MGAT4C: variants seen among roughly 807,000 people sequenced by gnomAD.
MGAT4C encodes the protein alpha-1,3-mannosyl-glycoprotein 4-beta-N-acetylglucosaminyltransferase C.
A neutral mutation model predicts 40.1 loss-of-function variants in MGAT4C; 19 were observed. The observed-to-expected ratio is 0.47, with a 90% CI of 0.33 to 0.70. The LOEUF (loss-of-function observed/expected upper bound fraction) is 0.70, where lower values mean the gene tolerates loss of function less well. MGAT4C is among the 30% of genes least tolerant of loss of function. MGAT4C has a pLI of 0.02. For missense variants in MGAT4C, 491 were observed against 563.2 expected (o/e 0.87, Z 1.30); for synonymous variants, 181 against 187.1 (o/e 0.97, Z 0.27).
chr12:86,822,019 C>T lies in MGAT4C; in HGVS notation c.-262+16647G>A, dbSNP rs150771024. Among the ~76,000 whole-genome samples, 592 of 150,816 alleles carry T rather than the reference C, an allele frequency of 3.9e-3. 2 individuals are homozygous for T. Among genetic ancestry groups the T allele is most frequent in the African/African-American group, 0.014 (578 of 41,290 alleles). ...CTGAAATATGTTTAAAGACACAATACGACTAGGTATAAATTATGACAACAA... is the reference window on the plus strand; with the variant it reads ...CTGAAATATGTTTAAAGACACAATATGACTAGGTATAAATTATGACAACAA... On this transcript the variant is annotated intron_variant, in intron 1 of 7. Coordinates refer to the MGAT4C transcript ENST00000548651.
At chr12:86,512,756 G>A (rs1270355574) in intron 2 of MGAT4C, among the ~76,000 whole-genome samples, 1 of 152,112 alleles carries the variant, frequency 6.6e-6, no homozygotes, top group Non-Finnish European at 1.5e-5. Context: ...GGGTAGAATG[G>A]TGGTTGCCAG....
chr12:86,295,271 A>G (rs1953634584), intron 4 of MGAT4C, among the ~76,000 whole-genome samples: 1 of 152,144 alleles, frequency 6.6e-6, no homozygotes, highest in Admixed American at 6.5e-5. Context: ...CTATAAAATT[A>G]TTTGTGATAA....
At chr12:86,117,659 G>A (rs928321112) in intron 1 of MGAT4C, among the ~76,000 whole-genome samples, 9 of 152,124 alleles carry the variant, frequency 5.9e-5, no homozygotes, top group African/African-American at 2.2e-4. Flanking sequence ...AACTGCACTG[G>A]TAATGAGGCT....
intron 1 of MGAT4C, among the ~76,000 whole-genome samples, chr12:86,807,972 T>C (rs185930301): frequency 1.4e-5 from 2 of 147,976 alleles, no homozygotes; most frequent in East Asian, 3.9e-4. Flanking sequence ...TTTTAATGGT[T>C]TTTTTTTCTT....
chr12:86,155,499 G>A (rs997877135), intron 1 of MGAT4C, among the ~76,000 whole-genome samples: 2 of 152,094 alleles, frequency 1.3e-5, no homozygotes, highest in African/African-American at 4.8e-5. Context: ...GTAGTCTGTG[G>A]GTTTAAAGGA....
Position 86,694,796 on chromosome 12 carries a change from C to T in MGAT4C, c.-229+32413G>A, listed in dbSNP as rs554278897. ...AAGATTAAAGACTGAAATCTAAGACCTCAGACTTTGAAACTACAACGAGAA... is the reference window on the plus strand; with the variant it reads ...AAGATTAAAGACTGAAATCTAAGACTTCAGACTTTGAAACTACAACGAGAA... On this transcript the variant is annotated intron_variant, in intron 2 of 7. Transcript: ENST00000548651. Among the ~76,000 whole-genome samples, 4 of 152,164 alleles carry T rather than the reference C, an allele frequency of 2.6e-5. No individual in the cohort carries two copies. The East Asian group carries it at 7.7e-4, about 29-fold the overall frequency.
intron 2 of MGAT4C, among the ~76,000 whole-genome samples, chr12:86,638,864 T>G (rs1242448759): frequency 6.6e-6 from 1 of 151,836 alleles, no homozygotes; most frequent in Non-Finnish European, 1.5e-5. Context: ...GCTGTGAAAC[T>G]TTTATAATAG....
chr12:86,282,247 C>T (rs183942258), intron 4 of MGAT4C, among the ~76,000 whole-genome samples: 20 of 152,198 alleles, frequency 1.3e-4, no homozygotes, highest in Admixed American at 3.3e-4. Flanking sequence ...CCCTGTGGCA[C>T]GCTTATTTTA....
At chr12:86,780,134 G>A (rs1271917610) in intron 1 of MGAT4C, among the ~76,000 whole-genome samples, 3 of 151,580 alleles carry the variant, frequency 2.0e-5, no homozygotes, top group Non-Finnish European at 1.5e-5. Context: ...TTAAATTTTT[G>A]TTGTTTAAGA....
intron 2 of MGAT4C, among the ~76,000 whole-genome samples, chr12:86,593,565 G>A (rs1340954353): frequency 6.6e-6 from 1 of 152,066 alleles, no homozygotes; most frequent in Non-Finnish European, 1.5e-5. Context: ...TTGGTATGAT[G>A]TGACTTCATT....
intron 1 of MGAT4C, among the ~76,000 whole-genome samples, chr12:86,812,848 G>A (rs556031477): frequency 6.6e-6 from 1 of 152,146 alleles, no homozygotes; most frequent in East Asian, 1.9e-4. Flanking sequence ...GCCTAAATGG[G>A]ATGGAGAGCA....
At chr12:85,994,761 T>C (rs536241928) in intron 2 of MGAT4C, among the ~76,000 whole-genome samples, 7 of 152,272 alleles carry the variant, frequency 4.6e-5, no homozygotes, top group African/African-American at 1.7e-4. Context: ...TTAGTCCATA[T>C]TTTTATTGTG....
At chr12:86,806,661 T>G (rs1021856408) in intron 1 of MGAT4C, among the ~76,000 whole-genome samples, 8 of 152,006 alleles carry the variant, frequency 5.3e-5, no homozygotes, top group Non-Finnish European at 1.5e-5. Flanking sequence ...ACCACTAGCA[T>G]GCACTAACCT....
In MGAT4C at chr12:86,138,494, T is replaced by TATATATATCATATATATATTTCC. The variant is rs1566037254; in HGVS notation, c.-56-88772_-56-88771insGGAAATATATATATGATATATAT. On this transcript the variant is annotated intron_variant, in intron 1 of 4. Transcript: ENST00000611864. The stretch of plus-strand genomic sequence containing the variant: ...ATATATATCCATATATATATTTCCA[T>TATATATATCATATATATATTTCC]ATATATATCATGTATATATTTCCAT... Among the ~76,000 whole-genome samples the TATATATATCATATATATATTTCC allele has an allele frequency of 5.4e-5, 8 of 147,794 alleles. 1 individual carries two copies. Among genetic ancestry groups the TATATATATCATATATATATTTCC allele is most frequent in the Non-Finnish European group, 1.0e-4 (7 of 67,262 alleles).
At chr12:86,089,868 G>T (rs917104024) in intron 1 of MGAT4C, among the ~76,000 whole-genome samples, 1 of 151,656 alleles carries the variant, frequency 6.6e-6, no homozygotes, top group Non-Finnish European at 1.5e-5. Context: ...CATAGGTGAT[G>T]TAGTTGATTT....
At chr12:86,690,602 G>A (rs555060128) in intron 2 of MGAT4C, among the ~76,000 whole-genome samples, 3 of 152,230 alleles carry the variant, frequency 2.0e-5, no homozygotes, top group South Asian at 2.1e-4. Flanking sequence ...TGAGTGAGGC[G>A]ACATCCCACC....
intron 1 of MGAT4C, among the ~76,000 whole-genome samples, chr12:86,119,742 T>TTA (rs1344912402): frequency 6.9e-6 from 1 of 144,802 alleles, no homozygotes; most frequent in Admixed American, 7.0e-5. Context: ...TTTTTTTTTT[T>TTA]AATAGAAATA....
At chr12:86,692,397 C>A (rs1220831138) in intron 2 of MGAT4C, among the ~76,000 whole-genome samples, 4 of 151,964 alleles carry the variant, frequency 2.6e-5, no homozygotes, top group Non-Finnish European at 5.9e-5. Flanking sequence ...AAATGTAATA[C>A]AAAATGTGTA....
At chr12:86,435,499 G>A (rs1169087506) in intron 2 of MGAT4C, among the ~76,000 whole-genome samples, 1 of 151,786 alleles carries the variant, frequency 6.6e-6, no homozygotes, top group East Asian at 1.9e-4. Flanking sequence ...GTCTGAAAGT[G>A]TGGTCTAAGA....
Sources: gnomAD v4.1 joint callset for allele counts (sites outside exome capture counted in the v4.1 genomes callset) on GRCh38, gnomAD v4.1.1 for gene constraint, MANE v1.5 for transcripts, NCBI Gene and HGNC (gene_info 2026-07-23, HGNC 2026-07-21) for gene names.